The following SPG11 variants were observed in gnomAD, a reference collection of about 807,000 sequenced individuals.
The protein encoded by SPG11 is SPG11 vesicle trafficking associated, spatacsin, also known as spatacsin.
SPG11 carries 222 observed loss-of-function variants against 274.0 expected under a neutral mutation model. The observed-to-expected ratio is 0.81, with a 90% confidence interval of 0.73 to 0.91. SPG11 has a LOEUF of 0.91. SPG11 is among the 40% of genes least tolerant of loss of function. The pLI, the probability that SPG11 is intolerant of heterozygous loss-of-function variation, is 0.00. For synonymous variants in SPG11, 1,144 were observed against 1,039.7 expected (o/e 1.10, Z -1.93); for missense variants, 3,114 against 2,872.7 (o/e 1.08, Z -1.92).
At position 44,604,710 on chromosome 15, in the gene SPG11, C is replaced by T. The variant is rs543346091; in HGVS notation, c.3520+1315G>A. The stretch of plus-strand genomic sequence containing the variant: ...TTGGGAGGCCGAGGTGGGTGGATCA[C>T]GAGGTCAGGAGATCGAGACCATCCT... On this transcript the variant is annotated intron_variant, in intron 20 of 39. Transcript: ENST00000261866. Among the ~76,000 whole-genome samples the T allele has an allele frequency of 2.0e-4, 31 of 151,934 alleles. No individual in the cohort carries two copies. The South Asian group carries it at 5.0e-3, about 25-fold the overall frequency.
chr15:44,654,415 C>T lies in SPG11; in HGVS notation c.870-2149G>A, dbSNP rs1047457609. On this transcript the variant is annotated intron_variant, in intron 4 of 39. Coordinates refer to ENST00000261866, the MANE Select transcript of SPG11 (RefSeq NM_025137.4). ...CCCAGCTACTTGGGAGGCTGAGACACGAGAATCACTTGATCCCAGGAGGCG... is the reference window on the plus strand; with the variant it reads ...CCCAGCTACTTGGGAGGCTGAGACATGAGAATCACTTGATCCCAGGAGGCG... 5.3e-5 allele frequency among the ~76,000 whole-genome samples: 8 copies of T among 151,816 alleles called. No individual in the cohort carries two copies. The East Asian group carries it at 7.7e-4, about 15-fold the overall frequency.
At chr15:44,610,644 C>G (rs921177838) in intron 18 of SPG11, among the ~76,000 whole-genome samples, 196 bp downstream of exon 18, 3 of 152,194 alleles carry the variant, frequency 2.0e-5, no homozygotes, top group Admixed American at 6.5e-5. Flanking sequence ...TCCCAAAGTG[C>G]TGGGATTACA....
rs2082922775 is a variant in SPG11 at position 44,592,363 on chromosome 15, T to C, written c.4711A>G (p.Lys1571Glu). 1.9e-6 allele frequency: 3 copies of C among 1,611,240 alleles called. No homozygotes were observed. Among genetic ancestry groups the C allele is most frequent in the Non-Finnish European group, 2.5e-6 (3 of 1,177,496 alleles). ...AGGCTCTTCTGAAACTCCAGAAGTTTAGCTTCAGCTTCTTTATAATTCCTG... is the reference window on the plus strand; with the variant it reads ...AGGCTCTTCTGAAACTCCAGAAGTTCAGCTTCAGCTTCTTTATAATTCCTG... ...FFRNYKEAEA[K>E]LLEFQKSLET... The change falls in exon 27 of 40, where the codon AAA (lysine) becomes GAA (glutamate). Residue 1571 changes from lysine to glutamate, a missense_variant. Lys to Glu is a moderately conservative substitution (Grantham distance 56). Coordinates refer to ENST00000261866, the MANE Select transcript of SPG11 (RefSeq NM_025137.4).
chr15:44,639,254 C>A (rs2084369991), intron 7 of SPG11, among the ~76,000 whole-genome samples: 2 of 145,498 alleles, frequency 1.4e-5, no homozygotes, highest in Non-Finnish European at 3.0e-5. Context: ...TATCTTAAAA[C>A]ACACACACAC....
At chr15:44,563,371 C>A in intron 39 of SPG11, 70 bp from the exon 40 acceptor site, 1 of 1,436,934 alleles carries the variant, frequency 7.0e-7, no homozygotes, top group Admixed American at 1.7e-5. Context: ...GACAGTCTTA[C>A]TCTGTTGCCC....
At chr15:44,637,002 C>G (rs201333799) in intron 7 of SPG11, among the ~76,000 whole-genome samples, 2 of 121,904 alleles carry the variant, frequency 1.6e-5, no homozygotes, top group East Asian at 4.8e-4. Flanking sequence ...AGTTGGTGAA[C>G]TAGGTGAAAT....
At chr15:44,607,687 G>A (rs1301820647) in intron 19 of SPG11, among the ~76,000 whole-genome samples, 2 of 152,198 alleles carry the variant, frequency 1.3e-5, no homozygotes, top group Middle Eastern at 3.2e-3. Context: ...GTTCTTAACC[G>A]AGGATCCCTG....
chr15:44,655,780 G>A (rs1467860148), intron 4 of SPG11, among the ~76,000 whole-genome samples: 1 of 152,132 alleles, frequency 6.6e-6, no homozygotes, highest in Non-Finnish European at 1.5e-5. Flanking sequence ...CTGAGTTGTT[G>A]AAGGGTCAAC....
chr15:44,651,557 A>G lies in SPG11; in HGVS notation c.1390T>C (p.Ser464Pro). 2.5e-6 allele frequency: 4 copies of G among 1,614,182 alleles called. No homozygotes were observed. The highest frequency in any genetic ancestry group is 3.4e-6 in the Non-Finnish European group (4 of 1,180,022). Residue 464 changes from serine (S) to proline (P), a missense_variant, in exon 6 of 40, where the codon TCC (serine) becomes CCC (proline). Transcript: ENST00000261866. ...DLETQGMQCF[S>P]LGTKCIPVDS... Reference sequence around the variant, plus strand: ...ACAGGAATACACTTTGTGCCAAGGGAAAAACACTGCATGCCCTGGGTCTCC... The same window carrying G: ...ACAGGAATACACTTTGTGCCAAGGGGAAAACACTGCATGCCCTGGGTCTCC...
Position 44,600,515 on chromosome 15 carries a change from C to G in SPG11, c.3638G>C (p.Gly1213Ala). 1 of 1,614,056 alleles carries G rather than the reference C, an allele frequency of 6.2e-7. No individual in the cohort carries two copies. The highest frequency in any genetic ancestry group is 8.5e-7 in the Non-Finnish European group (1 of 1,180,008). The change falls in exon 21 of 40, where the codon GGT becomes GCT. Residue 1213 changes from glycine (G) to alanine (A), a missense_variant. Gly to Ala is a moderately conservative substitution (Grantham distance 60, BLOSUM62 0). Coordinates refer to ENST00000261866, the MANE Select transcript of SPG11 (RefSeq NM_025137.4). ...GATTAATTCCTGGACCAGAAAAGTA[C>G]CAAATGCAAATGATGGCCGCCCATT... ...LHNGRPSFAF[G>A]TFLVQELIKS...
intron 7 of SPG11, among the ~76,000 whole-genome samples, chr15:44,641,633 A>AC (rs2084446087): frequency 2.7e-4 from 40 of 150,118 alleles, no homozygotes; most frequent in South Asian, 1.7e-3. Context: ...ACACACACAC[A>AC]AAACCTTAAT....
chr15:44,595,576 CT>C (rs1013997272), intron 25 of SPG11, 117 bp from the exon 26 acceptor site: 2 of 1,099,306 alleles, frequency 1.8e-6, no homozygotes, highest in Admixed American at 4.0e-5. Flanking sequence ...GTTAAAATGG[CT>C]TGAAAAGCCT....
rs569398669 is a variant in SPG11 at position 44,594,374 on chromosome 15, C to T, written c.4635+885G>A. Among the ~76,000 whole-genome samples the T allele has an allele frequency of 2.1e-3, 326 of 151,786 alleles. 1 individual carries two copies. Among genetic ancestry groups the T allele is most frequent in the African/African-American group, 7.5e-3 (312 of 41,426 alleles). Reference sequence around the variant, plus strand: ...TCGGGAGGCGGAGGTTGCAGTGAGCCGAGATCGTGCCACTGCACTCCAGCC... The same window carrying T: ...TCGGGAGGCGGAGGTTGCAGTGAGCTGAGATCGTGCCACTGCACTCCAGCC... On this transcript the variant is annotated intron_variant, in intron 26 of 39. Coordinates refer to ENST00000261866, the MANE Select transcript of SPG11 (RefSeq NM_025137.4).
intron 7 of SPG11, among the ~76,000 whole-genome samples, chr15:44,641,873 A>G (rs930254900): frequency 1.4e-5 from 2 of 145,790 alleles, no homozygotes; most frequent in African/African-American, 2.6e-5. Flanking sequence ...GCTCTTGCCC[A>G]TGTGCTGCAG....
chr15:44,595,911 A>C, intron 25 of SPG11, 172 bp downstream of exon 25: 2 of 851,184 alleles, frequency 2.3e-6, no homozygotes, highest in Non-Finnish European at 3.8e-6. Context: ...AAGTACACCA[A>C]ATGGCCCAGA....
In SPG11 at chr15:44,622,757, T is replaced by C. The variant is rs780606686; in HGVS notation, c.2287A>G (p.Thr763Ala). The change falls in exon 12 of 40, where the codon ACA (threonine) becomes GCA (alanine). Residue 763 changes from threonine (T) to alanine (A), a missense_variant. Thr to Ala is a moderately conservative substitution (Grantham distance 58, BLOSUM62 0). Transcript: ENST00000261866. ...AAGTCACGTATATTTTTATTAGTTG[T>C]ATAGAAGCAGATCTTGAGCAATTGG... ...KGQLLKICFY[T>A]TNKNIRDFLV... is the part of the protein sequence containing the mutation. 5 of 1,613,824 alleles carry C rather than the reference T, an allele frequency of 3.1e-6. No individual in the cohort carries two copies. The East Asian group carries it at 1.1e-4, about 36-fold the overall frequency.
chr15:44,606,118 ATTAGAAG>A (rs769931416), intron 19 of SPG11, 27 bp from the exon 20 acceptor site: 31 of 1,604,498 alleles, frequency 1.9e-5, no homozygotes, highest in Non-Finnish European at 2.3e-5. Context: ...GTTAAACAGA[ATTAGAAG>A]TTCACTGATT....
chr15:44,647,707 T>C (rs1270478573), intron 7 of SPG11, among the ~76,000 whole-genome samples: 1 of 152,134 alleles, frequency 6.6e-6, no homozygotes, highest in African/African-American at 2.4e-5. Context: ...ATGTCCAGAA[T>C]AGAAAAATCC....
intron 10 of SPG11, among the ~76,000 whole-genome samples, chr15:44,627,593 ATTTTT>A (rs753504528): frequency 2.1e-5 from 3 of 145,652 alleles, no homozygotes; most frequent in Admixed American, 6.9e-5. Context: ...AAAGTAAGTA[ATTTTT>A]TTTTTTTTTG....
Sources: allele counts gnomAD v4.1 joint callset (sites outside exome capture counted in the v4.1 genomes callset), GRCh38; gene constraint gnomAD v4.1.1; transcripts MANE v1.5; gene names NCBI Gene and HGNC (gene_info 2026-07-23, HGNC 2026-07-21).